Variants in ANKRD46 observed in about 807,000 individuals in gnomAD.
The protein encoded by ANKRD46 is ankyrin repeat domain-containing protein 46.
ANKRD46 carries 13 observed loss-of-function variants against 19.8 expected under a neutral mutation model. The ratio of observed to expected loss-of-function variants is 0.66; its 90% CI spans 0.43 to 1.04. The LOEUF is 1.04. Among genes scored for constraint, ANKRD46 ranks in the 50% least tolerant of loss-of-function variants. The pLI, the probability that ANKRD46 is intolerant of heterozygous loss-of-function variation, is 0.00. For synonymous variants in ANKRD46, 91 were observed against 106.9 expected (o/e 0.85, Z 0.92); for missense variants, 185 against 274.8 (o/e 0.67, Z 2.31).
chr8:100,529,451 C>A lies in ANKRD46; in HGVS notation c.311+72G>T. 6.9e-7 allele frequency: 1 copy of A among 1,448,432 alleles called. No individual in the cohort carries two copies. The highest frequency in any genetic ancestry group is 9.3e-7 in the Non-Finnish European group (1 of 1,069,754). The allele number at this position is 1,448,432 out of a possible 1,614,324, so 89.7% of individuals were successfully genotyped here. A position where few individuals can be genotyped will look rare whatever the true frequency, so the allele number is the denominator to read the frequency against. On this transcript the variant is annotated intron_variant, in intron 3 of 4. Coordinates refer to ENST00000335659, the MANE Select transcript of ANKRD46 (RefSeq NM_001270377.2). The surrounding 1 kb of genome is among the most constrained non-coding windows in gnomAD (Gnocchi z 5.8). ...TAATGAGGAAACAAAACCAACAGAC[C>A]CAAGATAAGATTATCAGTTGAGAGA...
chr8:100,518,160 C>T (rs56998218), downstream of ANKRD46, among the ~76,000 whole-genome samples: 2,627 of 152,276 alleles, frequency 0.017, 82 homozygotes, highest in African/African-American at 0.06. Flanking sequence ...CACTGCACTC[C>T]AGCCTGGGTG....
chr8:100,515,366 A>G (rs1811613403), intron 5 of ANKRD46, among the ~76,000 whole-genome samples: 1 of 152,038 alleles, frequency 6.6e-6, no homozygotes, highest in South Asian at 2.1e-4. Context: ...CTTTACAGAG[A>G]AAGTGCATTA....
At chr8:100,542,684 A>G (rs1459191031) in intron 1 of ANKRD46, among the ~76,000 whole-genome samples, 1 of 152,110 alleles carries the variant, frequency 6.6e-6, no homozygotes, top group African/African-American at 2.4e-5. Flanking sequence ...TTCACAAAAG[A>G]AAAACAGATT....
intron 5 of ANKRD46, among the ~76,000 whole-genome samples, chr8:100,514,161 T>G (rs1332769556): frequency 6.6e-6 from 1 of 152,200 alleles, no homozygotes; most frequent in Non-Finnish European, 1.5e-5. Context: ...TAGCAATTAT[T>G]CTTGAACCTC....
rs1463423483 is a variant in ANKRD46, at chr8:100,546,587, G to A, written c.-131+13124C>T. Among the ~76,000 whole-genome samples the A allele has an allele frequency of 6.6e-6, 1 of 152,250 alleles. No homozygotes were observed. The highest frequency in any genetic ancestry group is 1.5e-5 in the Non-Finnish European group (1 of 68,038). On this transcript the variant is annotated intron_variant, in intron 1 of 4. Transcript: ENST00000335659. The surrounding 1 kb of genome is among the most constrained non-coding windows in gnomAD (Gnocchi z 4.0). ...GGCAGAGCCCTTATGGAGAACCTCT[G>A]CTGGGGCAGTGTGGAAGGGAAATGT...
intron 1 of ANKRD46, among the ~76,000 whole-genome samples, chr8:100,558,375 G>A (rs895515922): frequency 6.6e-6 from 1 of 152,044 alleles, no homozygotes; most frequent in African/African-American, 2.4e-5. Flanking sequence ...CCATAATAAT[G>A]CAAAGGCAAA....
At chr8:100,523,554 A>G (rs757597183) in intron 4 of ANKRD46, among the ~76,000 whole-genome samples, 6 of 152,164 alleles carry the variant, frequency 3.9e-5, no homozygotes, top group Admixed American at 2.0e-4. Context: ...AATCTGACCA[A>G]TGAAGGAATT....
Position 100,510,501 on chromosome 8 carries a change from C to A in ANKRD46, c.*76G>T. The A allele has an allele frequency of 7.1e-7, 1 of 1,406,930 alleles. No homozygotes were observed. The highest frequency in any genetic ancestry group is 9.6e-7 in the Non-Finnish European group (1 of 1,041,364). The allele number at this position is 1,406,930 out of a possible 1,614,324, so 87.2% of individuals were successfully genotyped here. A position where few individuals can be genotyped will look rare whatever the true frequency, so the allele number is the denominator to read the frequency against. On this transcript the variant is annotated 3_prime_UTR_variant, in exon 6 of 6. Transcript: ENST00000520552. This position sits in a 1 kb window ranked among gnomAD's most constrained non-coding sequence, Gnocchi z 4.9. Reference sequence around the variant, plus strand: ...AAGTCGTGACGGAAACAGCCCCACCCAACAGGGACGCTGACGTCTGTATCC... The same window carrying A: ...AAGTCGTGACGGAAACAGCCCCACCAAACAGGGACGCTGACGTCTGTATCC...
chr8:100,518,739 C>A (rs1302211497), downstream of ANKRD46, among the ~76,000 whole-genome samples: 1 of 151,898 alleles, frequency 6.6e-6, no homozygotes, highest in African/African-American at 2.4e-5. Flanking sequence ...GTAATCCCAG[C>A]TACTCAGGAG....
At position 100,529,655 on chromosome 8, in the gene ANKRD46, A is replaced by T. The variant is rs770546431; in HGVS notation, c.179T>A (p.Ile60Asn). 6.2e-7 allele frequency: 1 copy of T among 1,614,268 alleles called. No homozygotes were observed. ...HLAAARGNVD[I>N]CQLLHKFGAD... is the part of the protein sequence containing the mutation. ...ACCGAATTTATGCAGTAACTGGCAG[A>T]TGTCTACATTCCCTCGAGCTGCTGC... The change falls in exon 3 of 5, where the codon ATC becomes AAC. Residue 60 changes from isoleucine to asparagine, a missense_variant. Coordinates refer to ENST00000335659, the MANE Select transcript of ANKRD46 (RefSeq NM_001270377.2). This position sits in a 1 kb window ranked among gnomAD's most constrained non-coding sequence, Gnocchi z 5.8.
In ANKRD46 at chr8:100,525,018, AACTTAG is replaced by A. The variant is rs1246036573; in HGVS notation, c.471-2253_471-2248del. 4.0e-5 allele frequency among the ~76,000 whole-genome samples: 2 copies of A among 49,830 alleles called. No homozygotes were observed. The highest frequency in any genetic ancestry group is 6.8e-5 in the African/African-American group (1 of 14,628). The allele number at this position is 49,830 out of a possible 152,430, so 32.7% of individuals were successfully genotyped here. On this transcript the variant is annotated intron_variant, in intron 4 of 4. Coordinates refer to ENST00000335659, the MANE Select transcript of ANKRD46 (RefSeq NM_001270377.2). This position sits in a 1 kb window ranked among gnomAD's most constrained non-coding sequence, Gnocchi z 4.4. Reference sequence around the variant, plus strand: ...ATACCTACAAAGTAAAAAGGAATTAAACTTAGAGTTATATGGAGGAGTGGGGAAATA... The same window carrying A: ...ATACCTACAAAGTAAAAAGGAATTAAAGTTATATGGAGGAGTGGGGAAATA...
chr8:100,547,258 C>G (rs1227627560), intron 1 of ANKRD46, among the ~76,000 whole-genome samples: 5 of 152,092 alleles, frequency 3.3e-5, no homozygotes, highest in Non-Finnish European at 7.4e-5. Context: ...AAGGGAGGGA[C>G]CTGGTGGGAG....
At chr8:100,556,321 C>T (rs1472318963) in intron 1 of ANKRD46, among the ~76,000 whole-genome samples, 1 of 152,154 alleles carries the variant, frequency 6.6e-6, no homozygotes, top group African/African-American at 2.4e-5. Context: ...TCGCCCAGCC[C>T]ACCCAAGCAT....
intron 1 of ANKRD46, among the ~76,000 whole-genome samples, chr8:100,539,651 T>C (rs1308929249): frequency 1.3e-5 from 2 of 152,260 alleles, no homozygotes; most frequent in African/African-American, 4.8e-5. Context: ...TTCTTAACTT[T>C]TTGATGTCTT....
At chr8:100,516,488 T>C (rs1195648154), downstream of ANKRD46, among the ~76,000 whole-genome samples, 4 of 152,206 alleles carry the variant, frequency 2.6e-5, no homozygotes, top group African/African-American at 4.8e-5. Context: ...CACTAATAGC[T>C]ATCTAACTAT....
rs1190914163 is a variant in ANKRD46, at chr8:100,521,808, T to C, written c.*747A>G. Reference sequence around the variant, plus strand: ...TTTTCTGACTGTAATTCTGATGAACTGTTATCTTTGATGACTAGGATACTC... The same window carrying C: ...TTTTCTGACTGTAATTCTGATGAACCGTTATCTTTGATGACTAGGATACTC... On this transcript the variant is annotated 3_prime_UTR_variant, in exon 5 of 5. Coordinates refer to ENST00000335659, the MANE Select transcript of ANKRD46 (RefSeq NM_001270377.2). 1 of 985,266 alleles carries C rather than the reference T, an allele frequency of 1.0e-6. No individual in the cohort carries two copies. The highest frequency in any genetic ancestry group is 6.1e-5 in the Admixed American group (1 of 16,268). 61.0% of individuals were successfully genotyped at this position (985,266 alleles called of 1,614,324 possible). A position where few individuals can be genotyped will look rare whatever the true frequency, so the allele number is the denominator to read the frequency against.
At chr8:100,522,826 A>T in intron 4 of ANKRD46, 55 bp from the exon 5 acceptor site, 1 of 1,463,226 alleles carries the variant, frequency 6.8e-7, no homozygotes, top group Non-Finnish European at 9.5e-7. Context: ...AATTCCAAAA[A>T]CATAAAACCA....
At chr8:100,551,348 G>T (rs961547478) in intron 1 of ANKRD46, 1 of 576,168 alleles carries the variant, frequency 1.7e-6, no homozygotes, top group Non-Finnish European at 3.3e-6. Flanking sequence ...CAGCAGAGGG[G>T]GTAGAGATGA....
intron 1 of ANKRD46, among the ~76,000 whole-genome samples, chr8:100,556,353 C>T (rs966717145): frequency 6.6e-6 from 1 of 152,068 alleles, no homozygotes; most frequent in Non-Finnish European, 1.5e-5. Context: ...CTGAAATGTA[C>T]TACGTAAAAA....
Sources: gnomAD v4.1 joint callset for allele counts (sites outside exome capture counted in the v4.1 genomes callset) on GRCh38, gnomAD v4.1.1 for gene constraint, Gnocchi (gnomAD v3.1) non-coding constraint, MANE v1.5 for transcripts, NCBI Gene and HGNC (gene_info 2026-07-23, HGNC 2026-07-21) for gene names.